AGPAT4: variants seen among roughly 807,000 people sequenced by gnomAD.
AGPAT4 encodes the protein 1-acylglycerol-3-phosphate O-acyltransferase 4.
Under a neutral mutation model 48.0 loss-of-function variants are expected in AGPAT4, and 15 were observed. The observed-to-expected ratio is 0.31, with a 90% CI of 0.21 to 0.48. The LOEUF (loss-of-function observed/expected upper bound fraction) is 0.48, where lower values mean the gene tolerates loss of function less well. AGPAT4 is among the 20% of genes least tolerant of loss of function. The pLI, the probability that AGPAT4 is intolerant of heterozygous loss-of-function variation, is 0.99. For missense variants in AGPAT4, 314 were observed against 482.5 expected (o/e 0.65, Z 3.27); for synonymous variants, 178 against 198.7 (o/e 0.90, Z 0.88).
At position 161,264,544 on chromosome 6, in the gene AGPAT4, C is replaced by A. The variant is rs1225132763; in HGVS notation, c.-90+9394G>T. On this transcript the variant is annotated intron_variant, in intron 1 of 8. Transcript: ENST00000320285. The surrounding 1 kb of genome is among the most constrained non-coding windows in gnomAD (Gnocchi z 6.8). ...ACTGGGCAGGGGTGGTGAGGTGGTC[C>A]CCCTGGCGTGCCCGCGCATCCCTGC... Among the ~76,000 whole-genome samples the A allele has an allele frequency of 6.6e-6, 1 of 152,178 alleles. No homozygotes were observed. The highest frequency in any genetic ancestry group is 2.4e-5 in the African/African-American group (1 of 41,442).
At position 161,171,733 on chromosome 6, in the gene AGPAT4, C is replaced by CAA. The variant is rs36059455; in HGVS notation, c.179-5318_179-5317dup. Among the ~76,000 whole-genome samples, 92 of 117,714 alleles carry CAA rather than the reference C, an allele frequency of 7.8e-4. No individual in the cohort carries two copies. Among genetic ancestry groups the CAA allele is most frequent in the South Asian group, 5.0e-3 (18 of 3,586 alleles). The allele number at this position is 117,714 out of a possible 152,430, so 77.2% of individuals were successfully genotyped here. Reference sequence around the variant, plus strand: ...TGAAACCCTGTCTCTACTAAAAATACAAAAAAAAAAAAAAAAATTAGCTGG... The same window carrying CAA: ...TGAAACCCTGTCTCTACTAAAAATACAAAAAAAAAAAAAAAAAAATTAGCTGG... On this transcript the variant is annotated intron_variant, in intron 2 of 8. Transcript: ENST00000320285. The surrounding 1 kb of genome is among the most constrained non-coding windows in gnomAD (Gnocchi z 4.4).
chr6:161,268,866 G>A (rs1044214123), intron 1 of AGPAT4, among the ~76,000 whole-genome samples: 1 of 152,156 alleles, frequency 6.6e-6, no homozygotes, highest in African/African-American at 2.4e-5. Flanking sequence ...AGAAAACACA[G>A]AGAAAGTGCT....
At chr6:161,230,177 A>C (rs971187787) in intron 2 of AGPAT4, among the ~76,000 whole-genome samples, 3 of 152,214 alleles carry the variant, frequency 2.0e-5, no homozygotes, top group African/African-American at 7.2e-5. Flanking sequence ...AAACTTAGCA[A>C]GTCTTTACCA....
In AGPAT4 at chr6:161,147,641, T is replaced by C. The variant is rs1779470732; in HGVS notation, c.768-1042A>G. ...TTTCACATAATTAGAACTTACCCCA[T>C]AAGCTCCTCCGGAAATATTCTTTCA... On this transcript the variant is annotated intron_variant, in intron 6 of 8. Coordinates refer to ENST00000320285, the MANE Select transcript of AGPAT4 (RefSeq NM_020133.3). This position sits in a 1 kb window ranked among gnomAD's most constrained non-coding sequence, Gnocchi z 4.8. Among the ~76,000 whole-genome samples, 1 of 152,218 alleles carries C rather than the reference T, an allele frequency of 6.6e-6. No individual in the cohort carries two copies. Among genetic ancestry groups the C allele is most frequent in the Non-Finnish European group, 1.5e-5 (1 of 68,034 alleles).
At position 161,141,846 on chromosome 6, in the gene AGPAT4, A is replaced by C. The variant is rs1234957788; in HGVS notation, c.844-2226T>G. 1.3e-5 allele frequency among the ~76,000 whole-genome samples: 2 copies of C among 152,092 alleles called. No homozygotes were observed. Among genetic ancestry groups the C allele is most frequent in the African/African-American group, 4.8e-5 (2 of 41,406 alleles). Reference sequence around the variant, plus strand: ...CACTCCCTTTTCTAGGAGCTTCCCAACTCAGAACTTCCCATTCACTTTATT... The same window carrying C: ...CACTCCCTTTTCTAGGAGCTTCCCACCTCAGAACTTCCCATTCACTTTATT... On this transcript the variant is annotated intron_variant, in intron 7 of 8. Transcript: ENST00000320285. This position sits in a 1 kb window ranked among gnomAD's most constrained non-coding sequence, Gnocchi z 6.7.
rs1436341421 is a variant in AGPAT4 at position 161,178,731 on chromosome 6, G to C, written c.179-12314C>G. Among the ~76,000 whole-genome samples, 3 of 152,212 alleles carry C rather than the reference G, an allele frequency of 2.0e-5. No homozygotes were observed. Among genetic ancestry groups the C allele is most frequent in the East Asian group, 3.9e-4 (2 of 5,194 alleles). The stretch of plus-strand genomic sequence containing the variant: ...CACTCACACTGGGAGCTGTAGACTG[G>C]AGCTGTTCCTATTCGGCCATCTTGC... On this transcript the variant is annotated intron_variant, in intron 2 of 8. Transcript: ENST00000320285. The surrounding 1 kb of genome is among the most constrained non-coding windows in gnomAD (Gnocchi z 5.1).
intron 7 of AGPAT4, among the ~76,000 whole-genome samples, chr6:161,145,024 A>G (rs1491001178): frequency 1.3e-5 from 2 of 151,734 alleles, no homozygotes; most frequent in Non-Finnish European, 2.9e-5. Flanking sequence ...TGCTGCCTCA[A>G]TGCTTAGACC....
rs770351036 is a variant in AGPAT4 at position 161,232,017 on chromosome 6, A to T, written c.178+19T>A. 2 of 1,610,948 alleles carry T rather than the reference A, an allele frequency of 1.2e-6. No homozygotes were observed. Among genetic ancestry groups the T allele is most frequent in the Non-Finnish European group, 1.7e-6 (2 of 1,177,544 alleles). ...ACATCCACAATGGAGACGAAAATAT[A>T]GAATCTTAAGTATCTTACGGCTTGA... On this transcript the variant is annotated intron_variant, in intron 2 of 8. Coordinates refer to ENST00000320285, the MANE Select transcript of AGPAT4 (RefSeq NM_020133.3). The surrounding 1 kb of genome is among the most constrained non-coding windows in gnomAD (Gnocchi z 6.8).
Position 161,139,703 on chromosome 6 carries a change from C to T in AGPAT4, c.844-83G>A. The T allele has an allele frequency of 2.3e-6, 3 of 1,282,208 alleles. No individual in the cohort carries two copies. Among genetic ancestry groups the T allele is most frequent in the East Asian group, 2.4e-5 (1 of 42,418 alleles). 79.4% of individuals were successfully genotyped at this position (1,282,208 alleles called of 1,614,324 possible). A position where few individuals can be genotyped will look rare whatever the true frequency, so the allele number is the denominator to read the frequency against. Reference sequence around the variant, plus strand: ...CCCGAGGCCCTGCTTCCAAGGGAATCGCAGAGATACACAGGTGCCACCGGG... The same window carrying T: ...CCCGAGGCCCTGCTTCCAAGGGAATTGCAGAGATACACAGGTGCCACCGGG... On this transcript the variant is annotated intron_variant, in intron 7 of 8. Transcript: ENST00000320285. The surrounding 1 kb of genome is among the most constrained non-coding windows in gnomAD (Gnocchi z 9.1).
chr6:161,224,932 G>A (rs966326691), intron 2 of AGPAT4, among the ~76,000 whole-genome samples: 18 of 152,044 alleles, frequency 1.2e-4, no homozygotes, highest in Non-Finnish European at 1.5e-5. Context: ...TCAATTCTTT[G>A]CCTTCTACTT....
rs1489285224 is a variant in AGPAT4 at position 161,214,573 on chromosome 6, CTA to C, written c.178+17461_178+17462del. Among the ~76,000 whole-genome samples the C allele has an allele frequency of 1.3e-5, 2 of 152,102 alleles. No homozygotes were observed. Among genetic ancestry groups the C allele is most frequent in the African/African-American group, 4.8e-5 (2 of 41,416 alleles). On this transcript the variant is annotated intron_variant, in intron 2 of 8. Coordinates refer to ENST00000320285, the MANE Select transcript of AGPAT4 (RefSeq NM_020133.3). The surrounding 1 kb of genome is among the most constrained non-coding windows in gnomAD (Gnocchi z 5.4). The stretch of plus-strand genomic sequence containing the variant: ...TTGAAGTCAGGAGTTCGAGACCAGC[CTA>C]GCCAACATGGTGAAACCCCGTCTCT...
In AGPAT4 at chr6:161,206,647, G is replaced by T. The variant is rs1781385859; in HGVS notation, c.178+25389C>A. 6.6e-6 allele frequency among the ~76,000 whole-genome samples: 1 copy of T among 152,016 alleles called. No individual in the cohort carries two copies. Among genetic ancestry groups the T allele is most frequent in the South Asian group, 2.1e-4 (1 of 4,822 alleles). ...ATACAATTGAAAAATCACTTGACAT[G>T]CCAAGGACCAGGAAAATCACAACTT... On this transcript the variant is annotated intron_variant, in intron 2 of 8. Coordinates refer to ENST00000320285, the MANE Select transcript of AGPAT4 (RefSeq NM_020133.3). The surrounding 1 kb of genome is among the most constrained non-coding windows in gnomAD (Gnocchi z 4.8).
intron 1 of AGPAT4, among the ~76,000 whole-genome samples, chr6:161,237,473 G>C (rs1782319870): frequency 6.6e-6 from 1 of 152,200 alleles, no homozygotes; most frequent in Non-Finnish European, 1.5e-5. Context: ...ATAAGGATGG[G>C]AGAGACAAAG....
rs374557581 is a variant in AGPAT4 at position 161,146,521 on chromosome 6, G to T, written c.843+3C>A. ...AGGGACCCCTGGCACCCAGTGCACTGACCTTCTCCTGGTAGAGCTTGTGCA... is the reference window on the plus strand; with the variant it reads ...AGGGACCCCTGGCACCCAGTGCACTTACCTTCTCCTGGTAGAGCTTGTGCA... On this transcript the variant is annotated splice_donor_region_variant and intron_variant, in intron 7 of 8. Coordinates refer to ENST00000320285, the MANE Select transcript of AGPAT4 (RefSeq NM_020133.3). The surrounding 1 kb of genome is among the most constrained non-coding windows in gnomAD (Gnocchi z 7.1). The T allele has an allele frequency of 6.2e-7, 1 of 1,613,634 alleles. No individual in the cohort carries two copies. The highest frequency in any genetic ancestry group is 8.5e-7 in the Non-Finnish European group (1 of 1,180,018).
rs1026482185 is a variant in AGPAT4 at position 161,254,541 on chromosome 6, C to T, written c.-90+19397G>A. Among the ~76,000 whole-genome samples, 7 of 152,208 alleles carry T rather than the reference C, an allele frequency of 4.6e-5. No individual in the cohort carries two copies. Among genetic ancestry groups the T allele is most frequent in the Admixed American group, 1.3e-4 (2 of 15,288 alleles). On this transcript the variant is annotated intron_variant, in intron 1 of 8. Transcript: ENST00000320285. The surrounding 1 kb of genome is among the most constrained non-coding windows in gnomAD (Gnocchi z 5.9). ...GCGTGGCCCTGGTGATCTTTTCTCA[C>T]GGCCATGTTCTTTATGTCCTTTCAC...
In AGPAT4 at chr6:161,217,780, C is replaced by T. The variant is rs530850491; in HGVS notation, c.178+14256G>A. On this transcript the variant is annotated intron_variant, in intron 2 of 8. Transcript: ENST00000320285. The surrounding 1 kb of genome is among the most constrained non-coding windows in gnomAD (Gnocchi z 4.9). ...ATCAGGGAGTCCAGCCAGAAACCTC[C>T]TCCCCTGACCCCGCCTGCCCAGGCC... Among the ~76,000 whole-genome samples, 1 of 152,200 alleles carries T rather than the reference C, an allele frequency of 6.6e-6. No homozygotes were observed. The highest frequency in any genetic ancestry group is 1.5e-5 in the Non-Finnish European group (1 of 68,032).
At chr6:161,210,565 T>G (rs1781495138) in intron 2 of AGPAT4, among the ~76,000 whole-genome samples, 1 of 152,180 alleles carries the variant, frequency 6.6e-6, no homozygotes. Flanking sequence ...TTGAATCAAA[T>G]ACTTTATCAG....
In AGPAT4 at chr6:161,244,410, A is replaced by T. The variant is rs1782592044; in HGVS notation, c.-89-12108T>A. On this transcript the variant is annotated intron_variant, in intron 1 of 8. Transcript: ENST00000320285. This position sits in a 1 kb window ranked among gnomAD's most constrained non-coding sequence, Gnocchi z 4.7. ...AATACGACAAAAACAAATAATAAAA[A>T]GCCTTTAAAGTTAAGGTTTATGGCG... 6.6e-6 allele frequency among the ~76,000 whole-genome samples: 1 copy of T among 152,226 alleles called. No individual in the cohort carries two copies. The highest frequency in any genetic ancestry group is 1.5e-5 in the Non-Finnish European group (1 of 68,046).
chr6:161,215,703 A>C lies in AGPAT4; in HGVS notation c.178+16333T>G, dbSNP rs1781627034. Among the ~76,000 whole-genome samples the C allele has an allele frequency of 6.7e-6, 1 of 148,640 alleles. No individual in the cohort carries two copies. Among genetic ancestry groups the C allele is most frequent in the Non-Finnish European group, 1.5e-5 (1 of 66,858 alleles). Reference sequence around the variant, plus strand: ...ACCACACAGTAGAATAACCTCCCTTACCATAAAAAAAAAAAAAAAGAAAAC... The same window carrying C: ...ACCACACAGTAGAATAACCTCCCTTCCCATAAAAAAAAAAAAAAAGAAAAC... On this transcript the variant is annotated intron_variant, in intron 2 of 8. Coordinates refer to ENST00000320285, the MANE Select transcript of AGPAT4 (RefSeq NM_020133.3). The surrounding 1 kb of genome is among the most constrained non-coding windows in gnomAD (Gnocchi z 4.5).
Sources: allele counts gnomAD v4.1 joint callset (sites outside exome capture counted in the v4.1 genomes callset), GRCh38; gene constraint gnomAD v4.1.1; non-coding constraint Gnocchi (gnomAD v3.1); transcripts MANE v1.5; gene names NCBI Gene and HGNC (gene_info 2026-07-23, HGNC 2026-07-21).